XIRP2: variants seen among roughly 807,000 people sequenced by gnomAD.
The protein encoded by XIRP2 is xin actin-binding repeat-containing protein 2.
XIRP2 carries 236 observed loss-of-function variants against 277.0 expected under a neutral mutation model. That is an observed-to-expected ratio of 0.85 (90% CI 0.77 to 0.95). The LOEUF is 0.95. XIRP2 is among the 40% of genes least tolerant of loss of function. XIRP2 has a pLI of 0.00. For missense variants in XIRP2, 4,640 were observed against 4,157.5 expected (o/e 1.12, Z -3.19); for synonymous variants, 1,490 against 1,416.5 (o/e 1.05, Z -1.17).
At chr2:167,051,220 T>C (rs867026419) in intron 2 of XIRP2, among the ~76,000 whole-genome samples, 5 of 152,092 alleles carry the variant, frequency 3.3e-5, no homozygotes, top group African/African-American at 1.2e-4. Flanking sequence ...AGACAATCAG[T>C]CACATCTTGG....
chr2:166,999,941 G>A lies in XIRP2; in HGVS notation c.408+96051G>A, dbSNP rs145469950. 6.5e-4 allele frequency among the ~76,000 whole-genome samples: 99 copies of A among 152,156 alleles called. 1 individual carries two copies. The highest frequency in any genetic ancestry group is 2.3e-3 in the African/African-American group (95 of 41,542). ...ATAAGAAAAAAATATTTATCCTGTA[G>A]AGAACTCAAGTAGAGGTAAAAAAGA... On this transcript the variant is annotated intron_variant, in intron 2 of 10. Transcript: ENST00000409195.
chr2:167,198,275 T>C (rs2105373922), intron 3 of XIRP2, among the ~76,000 whole-genome samples: 1 of 152,360 alleles, frequency 6.6e-6, no homozygotes, highest in East Asian at 1.9e-4. Flanking sequence ...ATTTGGGTCA[T>C]GTTACTGGTT....
At chr2:167,195,103 AC>A (rs982560908) in intron 3 of XIRP2, among the ~76,000 whole-genome samples, 1 of 152,164 alleles carries the variant, frequency 6.6e-6, no homozygotes, top group South Asian at 2.1e-4. Flanking sequence ...TGTTAAAAAC[AC>A]CCTTATCTTT....
intron 3 of XIRP2, 49 bp downstream of exon 3, chr2:167,136,111 C>A (rs775814956): frequency 6.2e-6 from 9 of 1,461,242 alleles, no homozygotes; most frequent in Admixed American, 2.5e-5. Flanking sequence ...CCTTGTACAA[C>A]ATGAGTGGTT....
chr2:167,120,172 T>C (rs946478099), intron 2 of XIRP2, among the ~76,000 whole-genome samples: 1 of 152,178 alleles, frequency 6.6e-6, no homozygotes, highest in African/African-American at 2.4e-5. Flanking sequence ...GGGAAAGCTT[T>C]AGAAAATACG....
intron 3 of XIRP2, among the ~76,000 whole-genome samples, chr2:167,176,528 T>C (rs1028083288): frequency 1.3e-4 from 20 of 152,220 alleles, no homozygotes; most frequent in African/African-American, 4.8e-4. Context: ...TCCAGCTCTA[T>C]TGACTGTGTT....
intron 3 of XIRP2, among the ~76,000 whole-genome samples, chr2:167,141,802 A>G (rs535154330): frequency 6.6e-6 from 1 of 152,270 alleles, no homozygotes; most frequent in South Asian, 2.1e-4. Context: ...TCAAGGTTAC[A>G]GTTAGCTAAG....
intron 2 of XIRP2, among the ~76,000 whole-genome samples, chr2:167,049,597 G>A (rs1050871015): frequency 1.3e-5 from 2 of 151,538 alleles, no homozygotes; most frequent in African/African-American, 2.4e-5. Context: ...TGGGTCCTGC[G>A]CTTATAACCT....
intron 2 of XIRP2, among the ~76,000 whole-genome samples, chr2:167,008,043 G>A (rs942758340): frequency 6.6e-6 from 1 of 151,376 alleles, no homozygotes; most frequent in Admixed American, 6.6e-5. Flanking sequence ...CTTCTTAAAG[G>A]GGATGTCCAA....
intron 2 of XIRP2, among the ~76,000 whole-genome samples, chr2:166,996,946 T>C (rs1687238081): frequency 6.6e-6 from 1 of 152,232 alleles, no homozygotes; most frequent in African/African-American, 2.4e-5. Context: ...TATTTGTCTT[T>C]GCTAGATAAC....
chr2:166,966,655 G>T (rs1055182486), intron 2 of XIRP2, among the ~76,000 whole-genome samples: 26 of 151,616 alleles, frequency 1.7e-4, no homozygotes, highest in Admixed American at 9.2e-4. Context: ...CTCTTAAGAG[G>T]GCCATTGTTT....
intron 2 of XIRP2, among the ~76,000 whole-genome samples, chr2:166,930,116 G>A (rs952148857): frequency 2.0e-5 from 3 of 152,126 alleles, no homozygotes; most frequent in Admixed American, 6.6e-5. Flanking sequence ...CCATGGAAAT[G>A]TTCTAGATCT....
chr2:167,186,184 C>A (rs1394367950), intron 3 of XIRP2, among the ~76,000 whole-genome samples: 1 of 152,174 alleles, frequency 6.6e-6, no homozygotes, highest in Admixed American at 6.6e-5. Context: ...AGAAGCACAA[C>A]TCTAAATAAT....
chr2:166,929,794 T>C (rs1324424895), intron 2 of XIRP2, among the ~76,000 whole-genome samples: 1 of 152,190 alleles, frequency 6.6e-6, no homozygotes, highest in Non-Finnish European at 1.5e-5. Context: ...TTCCTCTGCC[T>C]TTTTACTTTT....
intron 2 of XIRP2, among the ~76,000 whole-genome samples, chr2:167,103,283 T>C (rs970873845): frequency 6.6e-6 from 1 of 152,200 alleles, no homozygotes; most frequent in Non-Finnish European, 1.5e-5. Flanking sequence ...ACAAATTGTT[T>C]CCTCTATTTT....
Position 167,146,678 on chromosome 2 carries a change from A to G in XIRP2, c.562+10616A>G, listed in dbSNP as rs16853041. Among the ~76,000 whole-genome samples the G allele has an allele frequency of 5.8e-3, 877 of 152,276 alleles. 17 individuals are homozygous for G. Among genetic ancestry groups the G allele is most frequent in the Admixed American group, 0.04 (608 of 15,298 alleles). The stretch of plus-strand genomic sequence containing the variant: ...AAAGAATGGAAGAAAGGAAATATTC[A>G]AAGACACATGACTAAACACTTTATA... On this transcript the variant is annotated intron_variant, in intron 3 of 10. Coordinates refer to ENST00000409195, the MANE Select transcript of XIRP2 (RefSeq NM_152381.6).
At chr2:167,209,556 T>C (rs7585061) in intron 3 of XIRP2, among the ~76,000 whole-genome samples, 51,744 of 151,652 alleles carry the variant, frequency 0.34, 10,650 homozygotes, top group African/African-American at 0.59. Context: ...ACCCTGTAAG[T>C]CCCAGAAACT....
intron 2 of XIRP2, among the ~76,000 whole-genome samples, chr2:166,922,161 C>T (rs527346711): frequency 2.0e-5 from 3 of 152,248 alleles, no homozygotes; most frequent in East Asian, 3.9e-4. Flanking sequence ...CATTCTTAGA[C>T]CACGGCTTGA....
intron 2 of XIRP2, among the ~76,000 whole-genome samples, chr2:166,911,825 C>A (rs1471819772): frequency 6.6e-6 from 1 of 152,168 alleles, no homozygotes; most frequent in African/African-American, 2.4e-5. Flanking sequence ...AATCTCTCAG[C>A]ATTTGCTTGT....
Sources: gnomAD v4.1 joint callset for allele counts (sites outside exome capture counted in the v4.1 genomes callset) on GRCh38, gnomAD v4.1.1 for gene constraint, MANE v1.5 for transcripts, NCBI Gene and HGNC (gene_info 2026-07-23, HGNC 2026-07-21) for gene names.